CENPL: variants seen among roughly 807,000 people sequenced by gnomAD.
The protein encoded by CENPL is centromere protein L.
Under a neutral mutation model 35.2 loss-of-function variants are expected in CENPL, and 20 were observed. The observed-to-expected ratio is 0.57, with a 90% CI of 0.40 to 0.83. The LOEUF is 0.83. Among genes scored for constraint, CENPL ranks in the 40% least tolerant of loss-of-function variants. CENPL has a pLI of 0.00. For missense variants in CENPL, 363 were observed against 395.8 expected, an observed-to-expected ratio of 0.92 and a Z score of 0.70; for synonymous variants, 140 against 140.6, an observed-to-expected ratio of 1.00 and a Z score of 0.03.
intron 2 of CENPL, among the ~76,000 whole-genome samples, chr1:173,812,502 G>A (rs1650936580): frequency 6.6e-6 from 1 of 152,218 alleles, no homozygotes. Context: ...TTGCTGTTCT[G>A]CAGCCTCTGC....
At chr1:173,816,056 A>C (rs1234815310) in intron 2 of CENPL, among the ~76,000 whole-genome samples, 1 of 151,944 alleles carries the variant, frequency 6.6e-6, no homozygotes, top group Non-Finnish European at 1.5e-5. Context: ...GACAGAGAGC[A>C]AAATCATGAG....
rs1348712134 is a variant in CENPL at position 173,803,068 on chromosome 1, G to A, written c.858C>T (p.Cys286=). 1 of 1,613,484 alleles carries A rather than the reference G, an allele frequency of 6.2e-7. No individual in the cohort carries two copies. Among genetic ancestry groups the A allele is most frequent in the Non-Finnish European group, 8.5e-7 (1 of 1,179,428 alleles). The change falls in exon 5 of 6, where the codon TGC becomes TGT. Residue 286 remains cysteine, a synonymous_variant. Coordinates refer to ENST00000682279, the MANE Select transcript of CENPL (RefSeq NM_001387287.1). ...TQEEVDLFMD[C]LYSHFHRHFK... ...AATGTCTATGGAAATGTGAATAAAG[G>A]CAATCCATGAATAGGTCAACTTCTT...
At chr1:173,808,841 T>C (rs1008737978) in intron 3 of CENPL, among the ~76,000 whole-genome samples, 4 of 152,108 alleles carry the variant, frequency 2.6e-5, no homozygotes, top group South Asian at 2.1e-4. Flanking sequence ...AAAGATTTCA[T>C]GACAAAGACG....
chr1:173,800,583 T>C, intron 5 of CENPL, 64 bp from the exon 6 acceptor site: 2 of 670,874 alleles, frequency 3.0e-6, no homozygotes, highest in South Asian at 3.7e-5. Context: ...CAAAGCAGAT[T>C]GATATTTGAA....
chr1:173,805,842 C>T (rs983856509), intron 4 of CENPL, among the ~76,000 whole-genome samples: 1 of 151,440 alleles, frequency 6.6e-6, no homozygotes, highest in South Asian at 2.1e-4. Flanking sequence ...CATCCATGCA[C>T]TTTTTTTTTA....
intron 3 of CENPL, among the ~76,000 whole-genome samples, chr1:173,809,623 A>C (rs902284579): frequency 1.3e-5 from 2 of 151,948 alleles, no homozygotes; most frequent in African/African-American, 4.8e-5. Context: ...AACAACAAAA[A>C]AAAAACAACC....
intron 2 of CENPL, among the ~76,000 whole-genome samples, chr1:173,819,303 G>A (rs1046758482): frequency 1.3e-5 from 2 of 152,092 alleles, no homozygotes; most frequent in East Asian, 1.9e-4. Context: ...GTTATGATTA[G>A]TCTCAGCTGG....
At chr1:173,811,498 G>T (rs1201115795) in intron 2 of CENPL, among the ~76,000 whole-genome samples, 192 bp from the exon 3 acceptor site, 1 of 152,060 alleles carries the variant, frequency 6.6e-6, no homozygotes, top group Non-Finnish European at 1.5e-5. Context: ...ATATCTTACA[G>T]ATACCTCAAA....
intron 2 of CENPL, among the ~76,000 whole-genome samples, chr1:173,816,869 G>A (rs920462153): frequency 6.6e-6 from 1 of 152,204 alleles, no homozygotes; most frequent in Admixed American, 6.5e-5. Flanking sequence ...GCCGGGCGCA[G>A]TGGCTCACGC....
At chr1:173,815,863 A>T (rs61286800) in intron 2 of CENPL, among the ~76,000 whole-genome samples, 3,744 of 152,298 alleles carry the variant, frequency 0.025, 166 homozygotes, top group African/African-American at 0.087. Context: ...AAAGAAATAA[A>T]GGGTATTCAA....
rs1040220873 is a variant in CENPL, at chr1:173,802,956, A to T, written c.963+7T>A. The T allele has an allele frequency of 6.3e-7, 1 of 1,580,436 alleles. No individual in the cohort carries two copies. Among genetic ancestry groups the T allele is most frequent in the African/African-American group, 1.4e-5 (1 of 73,858 alleles). ...AAAAATTACTTAACTAGATTGTTCA[A>T]ACTAACCTTTATTTTTCCATCAGTA... On this transcript the variant is annotated splice_region_variant and intron_variant, in intron 5 of 5. Coordinates refer to ENST00000682279, the MANE Select transcript of CENPL (RefSeq NM_001387287.1).
intron 4 of CENPL, among the ~76,000 whole-genome samples, chr1:173,805,277 G>A (rs187633635): frequency 7.2e-5 from 11 of 152,292 alleles, no homozygotes; most frequent in African/African-American, 2.6e-4. Flanking sequence ...TCAGGACTTT[G>A]GGAGGCCAAT....
Position 173,803,108 on chromosome 1 carries a change from C to A in CENPL, c.818G>T (p.Gly273Val). Residue 273 changes from glycine (G) to valine (V), a missense_variant, in exon 5 of 6, where the codon GGG (glycine) becomes GTG (valine). Gly to Val is a moderately radical substitution (Grantham distance 109). Coordinates refer to ENST00000682279, the MANE Select transcript of CENPL (RefSeq NM_001387287.1). ...GTCAACTTCTTCCTGGGTAACCTCC[C>A]CAGGTGTTTTGTGGACACTGTCCCA... ...ALWDSVHKTP[G>V]EVTQEEVDLF... The A allele has an allele frequency of 1.9e-6, 3 of 1,614,076 alleles. No homozygotes were observed. Among genetic ancestry groups the A allele is most frequent in the Non-Finnish European group, 2.5e-6 (3 of 1,179,972 alleles).
At chr1:173,815,181 G>A (rs1182651548) in intron 2 of CENPL, among the ~76,000 whole-genome samples, 2 of 152,168 alleles carry the variant, frequency 1.3e-5, no homozygotes, top group Admixed American at 6.5e-5. Flanking sequence ...CTCTGAAACT[G>A]AGGCAATAAT....
chr1:173,805,174 C>CA (rs1650100222), intron 4 of CENPL, among the ~76,000 whole-genome samples: 1 of 152,158 alleles, frequency 6.6e-6, no homozygotes, highest in Non-Finnish European at 1.5e-5. Context: ...CTTCACTTGA[C>CA]AAAAACTGCT....
intron 4 of CENPL, among the ~76,000 whole-genome samples, chr1:173,805,087 G>A (rs1194244402): frequency 6.6e-6 from 1 of 152,144 alleles, no homozygotes; most frequent in Non-Finnish European, 1.5e-5. Context: ...GAATTCAAGA[G>A]GTCATTTCTA....
chr1:173,807,435 G>A lies in CENPL; in HGVS notation c.252C>T (p.Ser84=). The change falls in exon 4 of 6, where the codon TCC becomes TCT. Residue 84 remains serine (S), a synonymous_variant. Coordinates refer to ENST00000682279, the MANE Select transcript of CENPL (RefSeq NM_001387287.1). Reference sequence around the variant, plus strand: ...TAGAATACTCTTTGAGATTACTATAGGAGAATTTATATAAGGGAGTTAAAC... The same window carrying A: ...TAGAATACTCTTTGAGATTACTATAAGAGAATTTATATAAGGGAGTTAAAC... ...LYSLTPLYKF[S]YSNLKEYSRL... is the part of the protein sequence containing the mutation. The A allele has an allele frequency of 6.2e-7, 1 of 1,610,308 alleles. No homozygotes were observed. Among genetic ancestry groups the A allele is most frequent in the Non-Finnish European group, 8.5e-7 (1 of 1,177,394 alleles).
At chr1:173,809,273 G>A (rs368726995) in intron 3 of CENPL, among the ~76,000 whole-genome samples, 1 of 152,170 alleles carries the variant, frequency 6.6e-6, no homozygotes, top group East Asian at 1.9e-4. Flanking sequence ...AACCCAGGAG[G>A]CGGAGGTTGC....
At chr1:173,820,195 GT>G (rs1284551547) in intron 2 of CENPL, among the ~76,000 whole-genome samples, 2 of 152,098 alleles carry the variant, frequency 1.3e-5, no homozygotes. Context: ...CCAGCATCAT[GT>G]CAGTGCTCAA....
Sources: gnomAD v4.1 joint callset for allele counts (sites outside exome capture counted in the v4.1 genomes callset) on GRCh38, gnomAD v4.1.1 for gene constraint, MANE v1.5 for transcripts, NCBI Gene and HGNC (gene_info 2026-07-23, HGNC 2026-07-21) for gene names.